MDFIC: variants seen among roughly 807,000 people sequenced by gnomAD.
MDFIC encodes myoD family inhibitor domain-containing protein.
A neutral mutation model predicts 23.2 loss-of-function variants in MDFIC; 17 were observed. The observed-to-expected ratio is 0.73, with a 90% CI of 0.50 to 1.10. MDFIC has a LOEUF of 1.10. Ranked by LOEUF, MDFIC falls within the 50% of genes least tolerant of loss-of-function variation. MDFIC has a pLI of 0.00. For synonymous variants in MDFIC, 120 were observed against 115.2 expected, an observed-to-expected ratio of 1.04 and a Z score of -0.27; for missense variants, 356 against 316.6, an observed-to-expected ratio of 1.12 and a Z score of -0.95.
At chr7:115,008,586 G>T (rs1368286830) in intron 4 of MDFIC, among the ~76,000 whole-genome samples, 1 of 152,128 alleles carries the variant, frequency 6.6e-6, no homozygotes, top group African/African-American at 2.4e-5. Flanking sequence ...TCAGGCTAGG[G>T]CTGTTGGCCA....
intron 4 of MDFIC, among the ~76,000 whole-genome samples, chr7:114,992,037 T>G (rs1391122492): frequency 6.6e-6 from 1 of 152,234 alleles, no homozygotes; most frequent in African/African-American, 2.4e-5. Flanking sequence ...GAGCAGTGGT[T>G]TGTAGTTCTC....
chr7:114,965,641 G>C (rs139422064), intron 3 of MDFIC, among the ~76,000 whole-genome samples: 67 of 152,264 alleles, frequency 4.4e-4, no homozygotes, highest in African/African-American at 1.6e-3. Flanking sequence ...GACAGGTGGT[G>C]GGGGATGAGC....
At position 115,018,039 on chromosome 7, in the gene MDFIC, A is replaced by C. The variant is rs1181277711; in HGVS notation, c.*2104A>C. 2.6e-5 allele frequency: 4 copies of C among 152,056 alleles called. No individual in the cohort carries two copies. The highest frequency in any genetic ancestry group is 4.4e-5 in the Non-Finnish European group (3 of 67,876). 9.4% of individuals were successfully genotyped at this position (152,056 alleles called of 1,614,324 possible). On this transcript the variant is annotated 3_prime_UTR_variant, in exon 5 of 5. Transcript: ENST00000393486. ...GAATCTTTCTTTTATTGCTATTTACACATACATACACACATACAAAACCTT... is the reference window on the plus strand; with the variant it reads ...GAATCTTTCTTTTATTGCTATTTACCCATACATACACACATACAAAACCTT...
intron 2 of MDFIC, among the ~76,000 whole-genome samples, chr7:114,924,902 T>C (rs984726445): frequency 6.6e-6 from 1 of 152,162 alleles, no homozygotes; most frequent in Non-Finnish European, 1.5e-5. Context: ...GTTGGTTTTA[T>C]TGATAAAGAC....
chr7:114,934,536 A>C (rs1473659599), intron 2 of MDFIC, among the ~76,000 whole-genome samples: 1 of 152,168 alleles, frequency 6.6e-6, no homozygotes, highest in African/African-American at 2.4e-5. Context: ...CAAACCTATA[A>C]AGTGATTGAG....
chr7:115,003,678 C>T (rs1562827869), intron 4 of MDFIC, among the ~76,000 whole-genome samples: 1 of 152,210 alleles, frequency 6.6e-6, no homozygotes, highest in Non-Finnish European at 1.5e-5. Flanking sequence ...TATGGAGCCA[C>T]TGGCATCTCT....
chr7:114,937,779 G>A (rs561273210), intron 2 of MDFIC, among the ~76,000 whole-genome samples: 10 of 152,270 alleles, frequency 6.6e-5, no homozygotes, highest in African/African-American at 2.2e-4. Flanking sequence ...TTTGTCCAGA[G>A]TAAACATACT....
intron 4 of MDFIC, among the ~76,000 whole-genome samples, chr7:114,993,874 G>A (rs1451063009): frequency 6.6e-6 from 1 of 152,178 alleles, no homozygotes; most frequent in Non-Finnish European, 1.5e-5. Flanking sequence ...TCTGTTTGGT[G>A]CAGAGCTGAG....
At chr7:114,974,488 G>A (rs1027855640) in intron 3 of MDFIC, among the ~76,000 whole-genome samples, 1 of 152,000 alleles carries the variant, frequency 6.6e-6, no homozygotes, top group Admixed American at 6.6e-5. Flanking sequence ...TACATCCTGA[G>A]CATTTAATTT....
At chr7:114,987,173 G>T (rs1012570321) in intron 4 of MDFIC, among the ~76,000 whole-genome samples, 1 of 152,164 alleles carries the variant, frequency 6.6e-6, no homozygotes, top group Non-Finnish European at 1.5e-5. Flanking sequence ...TCACTATTCC[G>T]TATGGGTTTC....
intron 3 of MDFIC, among the ~76,000 whole-genome samples, chr7:114,972,826 C>T (rs1054021291): frequency 1.3e-5 from 2 of 152,066 alleles, no homozygotes; most frequent in African/African-American, 4.8e-5. Flanking sequence ...CTATGTTGCT[C>T]TGGCTGGTCT....
intron 2 of MDFIC, among the ~76,000 whole-genome samples, chr7:114,934,738 G>C (rs756175342): frequency 9.2e-5 from 14 of 152,172 alleles, no homozygotes; most frequent in Admixed American, 1.3e-4. Flanking sequence ...TATAGTGTAT[G>C]ATTATATAAC....
At chr7:114,952,994 T>G (rs1006991072) in intron 3 of MDFIC, among the ~76,000 whole-genome samples, 3 of 152,226 alleles carry the variant, frequency 2.0e-5, no homozygotes, top group Non-Finnish European at 4.4e-5. Flanking sequence ...TACCATTTTC[T>G]TCTTATTCTT....
chr7:114,961,789 A>G (rs1792997494), intron 3 of MDFIC, among the ~76,000 whole-genome samples: 2 of 152,056 alleles, frequency 1.3e-5, no homozygotes, highest in Admixed American at 6.5e-5. Flanking sequence ...GCAAGGGGGA[A>G]ATTTGCCCCC....
At chr7:115,007,657 T>TA (rs1266806804) in intron 4 of MDFIC, among the ~76,000 whole-genome samples, 5 of 123,888 alleles carry the variant, frequency 4.0e-5, no homozygotes, top group African/African-American at 9.0e-5. Context: ...TATATATATA[T>TA]TTATATTTCC....
chr7:115,015,550 C>T lies in MDFIC; in HGVS notation c.494-138C>T, dbSNP rs1791778225. 4.4e-6 allele frequency: 5 copies of T among 1,148,942 alleles called. No homozygotes were observed. In the South Asian group the frequency reaches 6.2e-5, roughly 14 times the overall value. The allele number at this position is 1,148,942 out of a possible 1,614,324, so 71.2% of individuals were successfully genotyped here. On this transcript the variant is annotated intron_variant, in intron 4 of 4. Coordinates refer to ENST00000393486, the MANE Select transcript of MDFIC (RefSeq NM_001166345.3). Reference sequence around the variant, plus strand: ...TTAACTTAAGCTCCTTTTTGAGCTTCCAGCTCACAAAGCAAACTTCATTTG... The same window carrying T: ...TTAACTTAAGCTCCTTTTTGAGCTTTCAGCTCACAAAGCAAACTTCATTTG...
At chr7:114,949,100 C>T (rs190055132) in intron 3 of MDFIC, among the ~76,000 whole-genome samples, 1 of 152,136 alleles carries the variant, frequency 6.6e-6, no homozygotes, top group Non-Finnish European at 1.5e-5. Context: ...TTATTATTAT[C>T]ATTAATATCA....
intron 4 of MDFIC, among the ~76,000 whole-genome samples, chr7:114,995,019 C>G (rs1260011145): frequency 6.6e-6 from 1 of 152,172 alleles, no homozygotes; most frequent in Non-Finnish European, 1.5e-5. Flanking sequence ...TCACATAGCC[C>G]CATATTTCTT....
At chr7:114,939,082 G>T (rs985174959) in intron 2 of MDFIC, among the ~76,000 whole-genome samples, 2 of 150,904 alleles carry the variant, frequency 1.3e-5, no homozygotes, top group Non-Finnish European at 2.9e-5. Context: ...TTTCTTCAGT[G>T]TTATATGTAA....
Sources: allele counts gnomAD v4.1 joint callset (sites outside exome capture counted in the v4.1 genomes callset), GRCh38; gene constraint gnomAD v4.1.1; transcripts MANE v1.5; gene names NCBI Gene and HGNC (gene_info 2026-07-23, HGNC 2026-07-21).